Variants in NAV1 observed in about 807,000 individuals in gnomAD.
NAV1 encodes pore membrane and/or filament interacting like protein 3.
Under a neutral mutation model 175.2 loss-of-function variants are expected in NAV1, and 18 were observed. That is an observed-to-expected ratio of 0.10 (90% CI 0.07 to 0.15). NAV1 has a LOEUF of 0.15. NAV1 is among the 10% of genes least tolerant of loss of function. NAV1 has a pLI of 1.00. For synonymous variants in NAV1, 897 were observed against 978.7 expected, an observed-to-expected ratio of 0.92 and a Z score of 1.56; for missense variants, 1,731 against 2,436.6, an observed-to-expected ratio of 0.71 and a Z score of 6.10.
At chr1:201,648,612 C>T (rs1669066315) in exon 1 of NAV1, 7 of 1,285,560 alleles carry the variant, frequency 5.4e-6, no homozygotes, top group Admixed American at 4.1e-5. Flanking sequence ...CCGCCCCCTG[C>T]CCCCTCCCCC....
rs568746861 is a variant in NAV1, at chr1:201,719,994, C to T, written c.1226+1239C>T. On this transcript the variant is annotated intron_variant, in intron 3 of 29. Coordinates refer to ENST00000367296, the Ensembl canonical transcript of NAV1. ...CTGATGAGGCTGCTCTGGAGCAAAA[C>T]AACTGACGCATGAATGGAGTTGTTT... 1.8e-4 allele frequency among the ~76,000 whole-genome samples: 28 copies of T among 152,334 alleles called. 3 individuals are homozygous for T. In the South Asian group the frequency reaches 5.4e-3, roughly 29 times the overall value.
intron 1 of NAV1, among the ~76,000 whole-genome samples, chr1:201,681,946 T>A (rs1404992133): frequency 6.6e-6 from 1 of 152,042 alleles, no homozygotes; most frequent in African/African-American, 2.4e-5. Context: ...GAAACCCCCA[T>A]CTCTACTAAA....
At chr1:201,777,145 C>T (rs1676004832) in intron 3 of NAV1, among the ~76,000 whole-genome samples, 1 of 152,182 alleles carries the variant, frequency 6.6e-6, no homozygotes, top group Admixed American at 6.5e-5. Flanking sequence ...CAAAGCACCC[C>T]TTTTCAGAAA....
At chr1:201,586,283 G>A (rs899472327) in intron 1 of NAV1, among the ~76,000 whole-genome samples, 8 of 150,604 alleles carry the variant, frequency 5.3e-5, no homozygotes, top group Admixed American at 1.3e-4. Context: ...AAAGTAAAAC[G>A]GGGATTGCCA....
intron 1 of NAV1, among the ~76,000 whole-genome samples, chr1:201,576,721 A>G (rs2102184279): frequency 6.6e-6 from 1 of 152,338 alleles, no homozygotes; most frequent in Non-Finnish European, 1.5e-5. Flanking sequence ...CACTTTCCAA[A>G]GTGGGTGTAC....
rs536541848 is a variant in NAV1, at chr1:201,720,244, C to T, written c.1226+1489C>T. Among the ~76,000 whole-genome samples the T allele has an allele frequency of 1.4e-3, 206 of 152,354 alleles. No homozygotes were observed. The Middle Eastern group carries it at 0.017, about 13-fold the overall frequency. On this transcript the variant is annotated intron_variant, in intron 3 of 29. Coordinates refer to ENST00000367296, the Ensembl canonical transcript of NAV1. ...GGGACTGCCTGAGGAAGTGTCAGGT[C>T]ACTGCCCTCCTCTGAGAATCCCAGG...
chr1:201,784,487 C>G (rs1285359729), intron 7 of NAV1, among the ~76,000 whole-genome samples: 1 of 151,942 alleles, frequency 6.6e-6, no homozygotes, highest in African/African-American at 2.4e-5. Flanking sequence ...ATATCACATC[C>G]TAGTTTTCCC....
chr1:201,617,216 C>G (rs930975846), intron 2 of NAV1, among the ~76,000 whole-genome samples: 3 of 140,430 alleles, frequency 2.1e-5, no homozygotes, highest in Non-Finnish European at 4.4e-5. Flanking sequence ...GTCTCTCTCT[C>G]TCTCTCTCTC....
At position 201,653,320 on chromosome 1, in the gene NAV1, G is replaced by A. The variant is rs183866315; in HGVS notation, c.757+3895G>A. ...GACAGCTAAGACTGCCCAAGGTCAG[G>A]GAGTAAAAGAACCCAGGAACCTGGA... On this transcript the variant is annotated intron_variant, in intron 1 of 29. Coordinates refer to ENST00000367296, the Ensembl canonical transcript of NAV1. Among the ~76,000 whole-genome samples the A allele has an allele frequency of 2.4e-3, 359 of 152,290 alleles. 2 individuals carry two copies. The highest frequency in any genetic ancestry group is 6.6e-3 in the South Asian group (32 of 4,822).
At chr1:201,716,942 G>C (rs1215258587) in intron 2 of NAV1, among the ~76,000 whole-genome samples, 1 of 152,102 alleles carries the variant, frequency 6.6e-6, no homozygotes, top group East Asian at 1.9e-4. Context: ...GCATGGACAC[G>C]GTCAGGAAGC....
intron 3 of NAV1, among the ~76,000 whole-genome samples, chr1:201,763,069 ACT>A (rs377435841): frequency 1.1e-4 from 16 of 152,272 alleles, no homozygotes; most frequent in African/African-American, 3.6e-4. Flanking sequence ...AAATATGGAA[ACT>A]CAAAATAAGG....
At chr1:201,727,338 A>T (rs746355568) in intron 3 of NAV1, among the ~76,000 whole-genome samples, 3 of 152,180 alleles carry the variant, frequency 2.0e-5, no homozygotes, top group Non-Finnish European at 4.4e-5. Context: ...GAATGACATA[A>T]TAAGTTGTTT....
intron 1 of NAV1, among the ~76,000 whole-genome samples, chr1:201,672,142 G>A (rs535266316): frequency 1.7e-4 from 26 of 152,164 alleles, no homozygotes; most frequent in Admixed American, 1.4e-3. Flanking sequence ...TATTTGAAAC[G>A]TTTTTTCTCC....
At chr1:201,602,649 TG>T (rs1558014198) in intron 2 of NAV1, among the ~76,000 whole-genome samples, 3 of 140,798 alleles carry the variant, frequency 2.1e-5, no homozygotes, top group African/African-American at 5.3e-5. Flanking sequence ...TTTTTTTTTT[TG>T]GTTTTTTTTT....
At chr1:201,603,300 C>T (rs1571841457) in intron 2 of NAV1, among the ~76,000 whole-genome samples, 2 of 152,288 alleles carry the variant, frequency 1.3e-5, no homozygotes, top group East Asian at 3.9e-4. Context: ...GTCAATCCTG[C>T]CACCTTAAGT....
intron 1 of NAV1, among the ~76,000 whole-genome samples, chr1:201,549,138 TC>T (rs1263916000): frequency 2.9e-5 from 4 of 136,294 alleles, no homozygotes; most frequent in Non-Finnish European, 6.6e-5. Flanking sequence ...TTTCTTTCTT[TC>T]TTTCTTCTTT....
rs776881906 is a variant in NAV1 at position 201,812,562 on chromosome 1, A to C, written c.5122A>C (p.Asn1708His). The C allele has an allele frequency of 1.2e-6, 2 of 1,614,204 alleles. No homozygotes were observed. Among genetic ancestry groups the C allele is most frequent in the Non-Finnish European group, 1.7e-6 (2 of 1,180,014 alleles). Residue 1708 changes from asparagine (N) to histidine (H), a missense_variant, in exon 27 of 30, where the codon AAC (asparagine) becomes CAC (histidine). By Grantham distance (68) the Asn-to-His change is moderately conservative. Coordinates refer to ENST00000367296, the Ensembl canonical transcript of NAV1. This position sits in a 1 kb window ranked among gnomAD's most constrained non-coding sequence, Gnocchi z 4.6. The stretch of plus-strand genomic sequence containing the variant: ...AGAGTCAGACAGCGACATCAATGCC[A>C]ACAAGGAAGAGCTGCTTCGGGTGCT...
chr1:201,665,608 C>G (rs1669795387), intron 1 of NAV1, among the ~76,000 whole-genome samples: 1 of 104,206 alleles, frequency 9.6e-6, no homozygotes. Flanking sequence ...CACTGCCCAC[C>G]ACCTCCTGAG....
intron 1 of NAV1, among the ~76,000 whole-genome samples, chr1:201,578,231 A>G (rs1320767327): frequency 6.6e-6 from 1 of 152,020 alleles, no homozygotes; most frequent in African/African-American, 2.4e-5. Context: ...CTATTGTTCT[A>G]TCTTCCAGTT....
Sources: allele counts gnomAD v4.1 joint callset (sites outside exome capture counted in the v4.1 genomes callset), GRCh38; gene constraint gnomAD v4.1.1; non-coding constraint Gnocchi (gnomAD v3.1); transcripts MANE v1.5; gene names NCBI Gene and HGNC (gene_info 2026-07-23, HGNC 2026-07-21).